Variants in EPHB1 observed in about 807,000 individuals in gnomAD.
EPHB1 encodes ephrin type-B receptor 1.
Under a neutral mutation model 94.4 loss-of-function variants are expected in EPHB1, and 30 were observed. The ratio of observed to expected loss-of-function variants is 0.32; its 90% CI spans 0.24 to 0.43. The LOEUF (loss-of-function observed/expected upper bound fraction) is 0.43. EPHB1 is among the 20% of genes least tolerant of loss of function. The pLI is 1.00. For synonymous variants in EPHB1, 522 were observed against 489.1 expected, an observed-to-expected ratio of 1.07 and a Z score of -0.89; for missense variants, 1,055 against 1,308.3, an observed-to-expected ratio of 0.81 and a Z score of 2.99.
At chr3:134,826,358 C>G (rs2036478621) in intron 1 of EPHB1, among the ~76,000 whole-genome samples, 1 of 152,038 alleles carries the variant, frequency 6.6e-6, no homozygotes, top group Non-Finnish European at 1.5e-5. Flanking sequence ...TAGCCTACAC[C>G]AGTCCAGATG....
chr3:134,955,071 CTTTTTTTTTTTTTTTTT>C (rs1197013147), intron 3 of EPHB1, among the ~76,000 whole-genome samples: 3 of 8,410 alleles, frequency 3.6e-4, no homozygotes, highest in South Asian at 9.6e-3. Context: ...GACATCCTTT[CTTTTTTTTTTTTTTTTT>C]TTTTTTTTTT....
intron 3 of EPHB1, among the ~76,000 whole-genome samples, chr3:135,035,869 GA>G (rs1936625802): frequency 6.6e-6 from 1 of 151,796 alleles, no homozygotes; most frequent in African/African-American, 2.4e-5. Flanking sequence ...CCACCAAAAA[GA>G]CAAGTTTGGT....
chr3:134,946,460 G>C (rs535765281), intron 2 of EPHB1, among the ~76,000 whole-genome samples: 13 of 152,116 alleles, frequency 8.5e-5, no homozygotes, highest in Non-Finnish European at 1.3e-4. Context: ...ACCTGCCTTT[G>C]TTTGGCCCAG....
intron 12 of EPHB1, among the ~76,000 whole-genome samples, chr3:135,231,568 G>A (rs1295607122): frequency 6.6e-6 from 1 of 152,166 alleles, no homozygotes; most frequent in Non-Finnish European, 1.5e-5. Flanking sequence ...TCAGGGGAGA[G>A]GCAGCAAGGA....
chr3:134,900,552 T>C (rs1242811369), intron 1 of EPHB1, among the ~76,000 whole-genome samples: 1 of 152,134 alleles, frequency 6.6e-6, no homozygotes, highest in Non-Finnish European at 1.5e-5. Context: ...CTCCAGGATG[T>C]CATGACTCCT....
chr3:135,008,417 CA>C (rs1302718071), intron 3 of EPHB1, among the ~76,000 whole-genome samples: 1 of 152,134 alleles, frequency 6.6e-6, no homozygotes, highest in Non-Finnish European at 1.5e-5. Flanking sequence ...TAAACCTAAA[CA>C]GGCTGGCTAC....
intron 3 of EPHB1, among the ~76,000 whole-genome samples, chr3:135,051,357 A>G (rs1365682762): frequency 1.3e-5 from 2 of 152,190 alleles, no homozygotes; most frequent in African/African-American, 4.8e-5. Context: ...CCACCTTCCA[A>G]AGTTTATTTT....
intron 3 of EPHB1, among the ~76,000 whole-genome samples, chr3:134,959,700 G>A (rs1241190269): frequency 3.3e-5 from 5 of 152,120 alleles, no homozygotes; most frequent in Admixed American, 6.5e-5. Flanking sequence ...ATAATACACA[G>A]CCCCTCAGAG....
chr3:134,795,532 G>A lies in EPHB1; in HGVS notation c.-100G>A, dbSNP rs1270571499. Reference sequence around the variant, plus strand: ...CCGGGCGAGAGCGCGAAAGGATACCGAGAAGCCACCCGCGGAGAGCGCAGC... The same window carrying A: ...CCGGGCGAGAGCGCGAAAGGATACCAAGAAGCCACCCGCGGAGAGCGCAGC... On this transcript the variant is annotated 5_prime_UTR_variant, in exon 1 of 16. Transcript: ENST00000398015. 2.5e-6 allele frequency: 3 copies of A among 1,188,764 alleles called. No homozygotes were observed. Among genetic ancestry groups the A allele is most frequent in the Non-Finnish European group, 3.6e-6 (3 of 843,270 alleles). The allele number at this position is 1,188,764 out of a possible 1,614,324, so 73.6% of individuals were successfully genotyped here. A position where few individuals can be genotyped will look rare whatever the true frequency, so the allele number is the denominator to read the frequency against.
At chr3:134,817,759 A>G in intron 1 of EPHB1, among the ~76,000 whole-genome samples, 1 of 152,216 alleles carries the variant, frequency 6.6e-6, no homozygotes, top group East Asian at 1.9e-4. Context: ...GTGCTCTGGA[A>G]ACACAAGCTG....
At chr3:135,227,734 C>A (rs1373693721) in intron 12 of EPHB1, among the ~76,000 whole-genome samples, 2 of 152,084 alleles carry the variant, frequency 1.3e-5, no homozygotes, top group Non-Finnish European at 2.9e-5. Context: ...AGAATTTGCA[C>A]ATTAATTTTA....
intron 2 of EPHB1, among the ~76,000 whole-genome samples, chr3:134,950,946 A>G (rs900966354): frequency 6.6e-6 from 1 of 152,218 alleles, no homozygotes; most frequent in Non-Finnish European, 1.5e-5. Context: ...AGGTTCAAAG[A>G]TGGGGATTTC....
intron 1 of EPHB1, among the ~76,000 whole-genome samples, chr3:134,907,497 G>T (rs36218): frequency 1.3e-5 from 2 of 151,996 alleles, no homozygotes; most frequent in Non-Finnish European, 2.9e-5. Context: ...GTGAAGTTCC[G>T]TGTCATTTTG....
chr3:135,006,215 A>G (rs957260166), intron 3 of EPHB1, among the ~76,000 whole-genome samples: 2 of 152,222 alleles, frequency 1.3e-5, no homozygotes, highest in African/African-American at 4.8e-5. Context: ...TACAAGTACT[A>G]AGTGAAAGAA....
chr3:135,209,317 C>G (rs1156441505), intron 12 of EPHB1, among the ~76,000 whole-genome samples: 1 of 152,054 alleles, frequency 6.6e-6, no homozygotes, highest in Non-Finnish European at 1.5e-5. Context: ...TTTCTCCCCC[C>G]AAAATATTTA....
intron 2 of EPHB1, among the ~76,000 whole-genome samples, chr3:134,942,797 G>A (rs1473948335): frequency 6.6e-6 from 1 of 152,182 alleles, no homozygotes; most frequent in Non-Finnish European, 1.5e-5. Context: ...GTGTTGTGAA[G>A]CTAAATGCAT....
intron 10 of EPHB1, among the ~76,000 whole-genome samples, chr3:135,183,026 T>TTTTCTTTCTTTTCTTTTCTTTTC (rs1942208424): frequency 1.1e-5 from 1 of 94,660 alleles, no homozygotes; most frequent in Non-Finnish European, 2.1e-5. Context: ...TTTTCTTTTC[T>TTTTCTTTCTTTTCTTTTCTTTTC]TTTCTTTCTT....
rs1308200192 is a variant in EPHB1, at chr3:135,021,779, GT to G, written c.805+69728del. Among the ~76,000 whole-genome samples the G allele has an allele frequency of 2.6e-5, 4 of 152,242 alleles. No homozygotes were observed. In the South Asian group the frequency reaches 8.3e-4, roughly 32 times the overall value. On this transcript the variant is annotated intron_variant, in intron 3 of 15. Transcript: ENST00000398015. ...TTGTTGTTTCATCAATAAGAATTGTGTAGGTTTAAAGTAGAATGCTAGGAAG... is the reference window on the plus strand; with the variant it reads ...TTGTTGTTTCATCAATAAGAATTGTGAGGTTTAAAGTAGAATGCTAGGAAG...
intron 3 of EPHB1, among the ~76,000 whole-genome samples, chr3:135,084,754 G>A (rs115361510): frequency 2.0e-5 from 3 of 152,260 alleles, no homozygotes; most frequent in Admixed American, 1.3e-4. Context: ...GAATGAGAAT[G>A]TACACTTGCA....
Sources: gnomAD v4.1 joint callset for allele counts (sites outside exome capture counted in the v4.1 genomes callset) on GRCh38, gnomAD v4.1.1 for gene constraint, MANE v1.5 for transcripts, NCBI Gene and HGNC (gene_info 2026-07-23, HGNC 2026-07-21) for gene names.